The following NRXN3 variants were observed in gnomAD, a reference collection of about 807,000 sequenced individuals.
NRXN3 encodes the protein neurexin 3, also known as neurexin III.
A neutral mutation model predicts 137.6 loss-of-function variants in NRXN3; 32 were observed. The ratio of observed to expected loss-of-function variants is 0.23; its 90% CI spans 0.18 to 0.31. NRXN3 has a LOEUF of 0.31. Among genes scored for constraint, NRXN3 ranks in the 10% least tolerant of loss-of-function variants. The pLI is 1.00. For synonymous variants in NRXN3, 798 were observed against 784.5 expected, an observed-to-expected ratio of 1.02 and a Z score of -0.29; for missense variants, 1,574 against 2,062.5, an observed-to-expected ratio of 0.76 and a Z score of 4.59.
chr14:79,431,032 T>A (rs2095744776), intron 15 of NRXN3, among the ~76,000 whole-genome samples: 1 of 152,190 alleles, frequency 6.6e-6, no homozygotes, highest in African/African-American at 2.4e-5. Context: ...CACTGAGTAC[T>A]ATACATCGGG....
At position 78,965,777 on chromosome 14, in the gene NRXN3, T is replaced by G. The variant is rs549692294; in HGVS notation, c.2396-248T>G. Among the ~76,000 whole-genome samples the G allele has an allele frequency of 2.0e-5, 3 of 152,286 alleles. No homozygotes were observed. The East Asian group carries it at 5.8e-4, about 29-fold the overall frequency. Reference sequence around the variant, plus strand: ...AGTTTTATCCTTTAGCCTGGGTTACTCATGACCTCATATTTCCCCTTATAT... The same window carrying G: ...AGTTTTATCCTTTAGCCTGGGTTACGCATGACCTCATATTTCCCCTTATAT... On this transcript the variant is annotated intron_variant, in intron 11 of 20. Coordinates refer to ENST00000335750, the MANE Select transcript of NRXN3 (RefSeq NM_001330195.2).
At chr14:79,710,883 A>G (rs941172079) in intron 19 of NRXN3, among the ~76,000 whole-genome samples, 2 of 152,214 alleles carry the variant, frequency 1.3e-5, no homozygotes, top group African/African-American at 4.8e-5. Flanking sequence ...TTTCTGCTTT[A>G]GAGGAACACA....
chr14:79,047,112 G>A (rs1381376437), intron 15 of NRXN3, among the ~76,000 whole-genome samples: 1 of 149,836 alleles, frequency 6.7e-6, no homozygotes, highest in Non-Finnish European at 1.5e-5. Context: ...AATTTAGAGA[G>A]TAGCAAGCCA....
intron 5 of NRXN3, among the ~76,000 whole-genome samples, chr14:78,648,368 A>G (rs1247491767): frequency 6.6e-6 from 1 of 152,188 alleles, no homozygotes; most frequent in Non-Finnish European, 1.5e-5. Context: ...GGTTTTTCTA[A>G]TCATGTTTAA....
intron 10 of NRXN3, 91 bp from the exon 11 acceptor site, chr14:78,957,151 G>A: frequency 1.5e-6 from 2 of 1,352,012 alleles, no homozygotes; most frequent in South Asian, 2.6e-5. Context: ...ATGCTGCTGG[G>A]TCATGTGCAC....
rs185529986 is a variant in NRXN3 at position 78,524,471 on chromosome 14, G to A, written c.758-120649G>A. Among the ~76,000 whole-genome samples the A allele has an allele frequency of 2.0e-5, 3 of 152,332 alleles. No homozygotes were observed. The East Asian group carries it at 5.8e-4, about 29-fold the overall frequency. ...AGTGATTCTCGAGCTCAGGTGCATG[G>A]CAGAATGCCTGGAGGGTTTATTAAA... On this transcript the variant is annotated intron_variant, in intron 4 of 20. Coordinates refer to ENST00000335750, the MANE Select transcript of NRXN3 (RefSeq NM_001330195.2).
chr14:79,746,822 C>G (rs923088985), intron 19 of NRXN3, among the ~76,000 whole-genome samples: 1 of 151,740 alleles, frequency 6.6e-6, no homozygotes, highest in Non-Finnish European at 1.5e-5. Flanking sequence ...TAAAGAACCC[C>G]TAAAACTATT....
At chr14:78,789,946 T>C (rs2098800341) in intron 8 of NRXN3, among the ~76,000 whole-genome samples, 1 of 152,166 alleles carries the variant, frequency 6.6e-6, no homozygotes, top group Non-Finnish European at 1.5e-5. Flanking sequence ...CCACTTGCTA[T>C]ATTCTGTACT....
intron 16 of NRXN3, among the ~76,000 whole-genome samples, chr14:79,482,993 T>G (rs1438340030): frequency 1.3e-5 from 2 of 151,846 alleles, no homozygotes; most frequent in African/African-American, 4.8e-5. Context: ...AAACACAGAG[T>G]ATTCGCTTCC....
intron 10 of NRXN3, among the ~76,000 whole-genome samples, chr14:78,881,689 A>T (rs1289225622): frequency 6.6e-6 from 1 of 151,682 alleles, no homozygotes; most frequent in Admixed American, 6.6e-5. Flanking sequence ...ACAAAGATAG[A>T]ATTTGGAATT....
chr14:78,932,990 A>G (rs1296321635), intron 10 of NRXN3, among the ~76,000 whole-genome samples: 1 of 152,172 alleles, frequency 6.6e-6, no homozygotes, highest in Non-Finnish European at 1.5e-5. Context: ...AAGATAGCTC[A>G]TAGGCAATTC....
At position 78,864,062 on chromosome 14, in the gene NRXN3, C is replaced by A. The variant is rs1243120096; in HGVS notation, c.2275+53718C>A. 3.3e-5 allele frequency among the ~76,000 whole-genome samples: 5 copies of A among 152,142 alleles called. No individual in the cohort carries two copies. The East Asian group carries it at 9.6e-4, about 29-fold the overall frequency. ...ATCACTTCTTACTGTACATCTCCAG[C>A]TTATTTTAGGATGTATCTCTTCCTT... is the stretch of plus-strand genomic sequence containing the variant. On this transcript the variant is annotated intron_variant, in intron 10 of 20. Coordinates refer to ENST00000335750, the MANE Select transcript of NRXN3 (RefSeq NM_001330195.2).
intron 16 of NRXN3, among the ~76,000 whole-genome samples, chr14:79,515,740 A>C (rs534629536): frequency 3.2e-4 from 49 of 152,194 alleles, no homozygotes; most frequent in Non-Finnish European, 4.6e-4. Flanking sequence ...GAGGGGGAAA[A>C]AGTCTCTTTC....
At chr14:79,182,077 A>G (rs2062984713) in intron 15 of NRXN3, among the ~76,000 whole-genome samples, 2 of 152,090 alleles carry the variant, frequency 1.3e-5, no homozygotes, top group Admixed American at 6.6e-5. Context: ...TCCTCCAAAT[A>G]ATTATGATGA....
At chr14:78,875,526 G>C (rs1487048990) in intron 10 of NRXN3, among the ~76,000 whole-genome samples, 3 of 152,072 alleles carry the variant, frequency 2.0e-5, no homozygotes, top group African/African-American at 4.8e-5. Context: ...TGTTAGATGA[G>C]AAATTATAGA....
chr14:79,510,255 T>C (rs2096919897), intron 16 of NRXN3, among the ~76,000 whole-genome samples: 1 of 152,202 alleles, frequency 6.6e-6, no homozygotes, highest in Admixed American at 6.5e-5. Context: ...TTTGATGCCA[T>C]GGCTGAAAAA....
At position 78,714,898 on chromosome 14, in the gene NRXN3, C is replaced by T. The variant is rs1403789415; in HGVS notation, c.1803C>T (p.Ala601=). ...TTCTCCCCACCGAGCTGTGGACTGCCATGCTCAACTATGGCTACGTGGGCT... is the reference window on the plus strand; with the variant it reads ...TTCTCCCCACCGAGCTGTGGACTGCTATGCTCAACTATGGCTACGTGGGCT... The part of the protein sequence containing the change: ...GLILPTELWT[A]MLNYGYVGCI... The change falls in exon 8 of 21, where the codon GCC becomes GCT. Residue 601 remains alanine (A), a synonymous_variant. Transcript: ENST00000335750. The T allele has an allele frequency of 1.2e-6, 2 of 1,614,030 alleles. No individual in the cohort carries two copies. Among genetic ancestry groups the T allele is most frequent in the African/African-American group, 1.3e-5 (1 of 74,928 alleles).
chr14:79,008,661 CT>C (rs372617673), intron 15 of NRXN3, among the ~76,000 whole-genome samples: 11,392 of 130,638 alleles, frequency 0.087, 945 homozygotes, highest in African/African-American at 0.25. Flanking sequence ...TTTCTCTTTG[CT>C]TTTTTTTTTT....
At chr14:79,774,743 A>G (rs529675046) in intron 19 of NRXN3, among the ~76,000 whole-genome samples, 2 of 152,290 alleles carry the variant, frequency 1.3e-5, no homozygotes, top group South Asian at 2.1e-4. Context: ...ATTATTTTCT[A>G]TTTATCAACT....
Sources: gnomAD v4.1 joint callset for allele counts (sites outside exome capture counted in the v4.1 genomes callset) on GRCh38, gnomAD v4.1.1 for gene constraint, MANE v1.5 for transcripts, NCBI Gene and HGNC (gene_info 2026-07-23, HGNC 2026-07-21) for gene names.